DMD: variants seen among roughly 807,000 people sequenced by gnomAD.
DMD encodes the protein mutant dystrophin.
A neutral mutation model predicts 330.1 loss-of-function variants in DMD; 63 were observed. The observed-to-expected ratio is 0.19, with a 90% CI of 0.16 to 0.24. The LOEUF is 0.24. Ranked by LOEUF, DMD falls within the 10% of genes least tolerant of loss-of-function variation. The probability of loss-of-function intolerance (pLI) is 1.00; values close to 1 mark genes in which losing one functional copy is unlikely to be tolerated. For synonymous variants in DMD, 1,223 were observed against 959.8 expected (o/e 1.27, Z -5.07); for missense variants, 3,344 against 2,684.1 (o/e 1.25, Z -5.43).
intron 1 of DMD, among the ~76,000 whole-genome samples, chrX:33,164,928 C>CTT (rs113049352): frequency 2.3e-5 from 2 of 88,220 alleles, no homozygotes; most frequent in African/African-American, 4.1e-5. Context: ...TACTTTCTTT[C>CTT]TTTTTTTTTT....
chrX:31,966,847 A>G lies in DMD; in HGVS notation c.6614+1492T>C, dbSNP rs746449093. On this transcript the variant is annotated intron_variant, in intron 45 of 78. Coordinates refer to ENST00000357033, the MANE Select transcript of DMD (RefSeq NM_004006.3). The stretch of plus-strand genomic sequence containing the variant: ...GAGTTATCAGAGGGAATGTTAATAC[A>G]CTCTATTCAAATACTATATGAGTAA... Among the ~76,000 whole-genome samples, 30 of 110,818 alleles carry G rather than the reference A, an allele frequency of 2.7e-4. No individual in the cohort carries two copies. The East Asian group carries it at 8.5e-3, about 31-fold the overall frequency.
At chrX:32,595,713 T>TC in intron 13 of DMD, 44 bp downstream of exon 13, 1 of 1,176,260 alleles carries the variant, frequency 8.5e-7, no homozygotes, top group Non-Finnish European at 1.2e-6. Flanking sequence ...AAGTTATAGT[T>TC]CTTTTAAAGG....
intron 60 of DMD, among the ~76,000 whole-genome samples, chrX:31,363,193 A>C (rs1286414211): frequency 9.0e-6 from 1 of 111,136 alleles, no homozygotes; most frequent in African/African-American, 3.3e-5. Context: ...TAAAAAACAG[A>C]ATCTTTTAAA....
chrX:31,458,257 AG>A (rs1317164918), intron 59 of DMD, among the ~76,000 whole-genome samples: 4 of 110,851 alleles, frequency 3.6e-5, no homozygotes, highest in Admixed American at 9.7e-5. Flanking sequence ...GGTTGTGAAA[AG>A]TCTAGCTTCT....
chrX:31,868,507 T>C (rs773833403), intron 48 of DMD, among the ~76,000 whole-genome samples: 33 of 111,957 alleles, frequency 2.9e-4, no homozygotes, highest in Non-Finnish European at 5.6e-4. Context: ...GAAAAAAATA[T>C]ATAACCAAGG....
intron 1 of DMD, among the ~76,000 whole-genome samples, chrX:33,157,048 C>A (rs1426239099): frequency 1.8e-5 from 2 of 111,994 alleles, no homozygotes; most frequent in Non-Finnish European, 3.8e-5. Flanking sequence ...TGTTTAAATT[C>A]ATTTCCATGA....
chrX:32,924,555 C>G (rs1275279218), intron 2 of DMD, among the ~76,000 whole-genome samples: 1 of 111,361 alleles, frequency 9.0e-6, no homozygotes, highest in East Asian at 2.8e-4. Flanking sequence ...TAAATATTAG[C>G]TAACCTACTA....
intron 44 of DMD, among the ~76,000 whole-genome samples, chrX:31,987,509 A>G (rs1458215503): frequency 1.8e-5 from 2 of 111,511 alleles, no homozygotes; most frequent in African/African-American, 6.5e-5. Context: ...TATGAGATCG[A>G]TGTTTTTAGA....
At chrX:31,997,418 A>AT (rs1408471228) in intron 44 of DMD, among the ~76,000 whole-genome samples, 57 of 89,733 alleles carry the variant, frequency 6.4e-4, no homozygotes, top group African/African-American at 9.9e-4. Flanking sequence ...AGGCATCTCT[A>AT]TTTTTTTTTG....
intron 51 of DMD, among the ~76,000 whole-genome samples, chrX:31,743,933 T>A (rs886506760): frequency 1.8e-5 from 2 of 110,960 alleles, no homozygotes; most frequent in African/African-American, 6.6e-5. Context: ...CATGGCTTAC[T>A]GCCGCCTTGA....
At chrX:32,889,712 G>A (rs183608026) in intron 2 of DMD, among the ~76,000 whole-genome samples, 802 of 110,366 alleles carry the variant, frequency 7.3e-3, no homozygotes, top group Non-Finnish European at 0.011. Flanking sequence ...CCCCCTGCTC[G>A]CAAAACATCG....
intron 44 of DMD, among the ~76,000 whole-genome samples, chrX:32,013,029 A>AT (rs1332936181): frequency 5.7e-4 from 56 of 97,441 alleles, no homozygotes; most frequent in African/African-American, 2.2e-3. Context: ...GTGTTGAAAT[A>AT]TTTTTTTCTC....
chrX:31,421,467 T>G (rs1331518560), intron 60 of DMD, among the ~76,000 whole-genome samples: 1 of 112,055 alleles, frequency 8.9e-6, no homozygotes, highest in Admixed American at 9.5e-5. Flanking sequence ...TGATCATCTC[T>G]ACTTTTAAAA....
At chrX:31,379,512 T>C (rs1353065672) in intron 60 of DMD, among the ~76,000 whole-genome samples, 1 of 111,627 alleles carries the variant, frequency 9.0e-6, no homozygotes, top group Non-Finnish European at 1.9e-5. Context: ...TCTCAATATA[T>C]ATTTTATTAC....
intron 44 of DMD, among the ~76,000 whole-genome samples, chrX:32,192,907 G>A (rs370848297): frequency 3.6e-5 from 4 of 111,818 alleles, no homozygotes; most frequent in Non-Finnish European, 7.5e-5. Flanking sequence ...ATGTGTCCCC[G>A]CCCAAATCTC....
chrX:33,298,878 C>T (rs1020862570), intron 1 of DMD, among the ~76,000 whole-genome samples: 2 of 111,591 alleles, frequency 1.8e-5, no homozygotes, highest in African/African-American at 6.5e-5. Flanking sequence ...ATTGATCCGG[C>T]ATGTCACACA....
intron 48 of DMD, among the ~76,000 whole-genome samples, chrX:31,872,662 A>T (rs978059103): frequency 2.7e-5 from 3 of 112,008 alleles, no homozygotes; most frequent in African/African-American, 9.7e-5. Flanking sequence ...GTGAGCTACA[A>T]AAAGCTATTT....
At chrX:31,284,608 T>TTC (rs1331247957) in intron 62 of DMD, among the ~76,000 whole-genome samples, 17 of 28,070 alleles carry the variant, frequency 6.1e-4, no homozygotes, top group South Asian at 2.2e-3. Flanking sequence ...TCTTCTTCTT[T>TTC]TTTTTGGCAG....
intron 44 of DMD, 77 bp from the exon 45 acceptor site, chrX:31,968,591 A>G: frequency 9.6e-7 from 1 of 1,046,878 alleles, no homozygotes; most frequent in Admixed American, 2.4e-5. Context: ...ACAGTGTGCT[A>G]CCACATGCAG....
Sources: gnomAD v4.1 joint callset for allele counts (sites outside exome capture counted in the v4.1 genomes callset) on GRCh38, gnomAD v4.1.1 for gene constraint, MANE v1.5 for transcripts, NCBI Gene and HGNC (gene_info 2026-07-23, HGNC 2026-07-21) for gene names.